UTP18: variants seen among roughly 807,000 people sequenced by gnomAD.
UTP18 encodes the protein UTP18 small subunit processome component, also known as U3 small nucleolar RNA-associated protein 18 homolog.
UTP18 carries 36 observed loss-of-function variants against 61.1 expected under a neutral mutation model. That is an observed-to-expected ratio of 0.59 (90% CI 0.45 to 0.78). The LOEUF (loss-of-function observed/expected upper bound fraction) is 0.78. Among genes scored for constraint, UTP18 ranks in the 30% least tolerant of loss-of-function variants. The pLI is 0.00. For synonymous variants in UTP18, 282 were observed against 251.1 expected (o/e 1.12, Z -1.16); for missense variants, 753 against 693.9 (o/e 1.09, Z -0.96).
chr17:51,297,084 C>T lies in UTP18; in HGVS notation c.*14+81C>T, dbSNP rs993840549. 5 of 1,245,696 alleles carry T rather than the reference C, an allele frequency of 4.0e-6. No homozygotes were observed. The African/African-American group carries it at 4.6e-5, about 12-fold the overall frequency. 77.2% of individuals were successfully genotyped at this position (1,245,696 alleles called of 1,614,324 possible). A position where few individuals can be genotyped will look rare whatever the true frequency, so the allele number is the denominator to read the frequency against. On this transcript the variant is annotated intron_variant, in intron 13 of 13. Coordinates refer to ENST00000225298, the MANE Select transcript of UTP18 (RefSeq NM_016001.3). Reference sequence around the variant, plus strand: ...TCAGTTGGTGGAAGCAGCACATTAGCTGAGCTTTGTTTCTCTACCCCTAAG... The same window carrying T: ...TCAGTTGGTGGAAGCAGCACATTAGTTGAGCTTTGTTTCTCTACCCCTAAG...
intron 11 of UTP18, among the ~76,000 whole-genome samples, chr17:51,291,963 GTTT>G (rs543831187): frequency 8.6e-5 from 13 of 151,988 alleles, no homozygotes; most frequent in Admixed American, 7.9e-4. Flanking sequence ...TGTAGCAAAT[GTTT>G]TTTTCCTGAT....
Position 51,294,124 on chromosome 17 carries a change from A to G in UTP18, c.1646+79A>G, listed in dbSNP as rs1279127001. On this transcript the variant is annotated intron_variant, in intron 12 of 13. Coordinates refer to ENST00000225298, the MANE Select transcript of UTP18 (RefSeq NM_016001.3). ...GTATGAAGAGATACTATATATTCCTAATTCTACAGTTAATAAATTCTAGTC... is the reference window on the plus strand; with the variant it reads ...GTATGAAGAGATACTATATATTCCTGATTCTACAGTTAATAAATTCTAGTC... 9.2e-6 allele frequency: 11 copies of G among 1,190,412 alleles called. No individual in the cohort carries two copies. In the Admixed American group the frequency reaches 1.8e-4, roughly 20 times the overall value. 73.7% of individuals were successfully genotyped at this position (1,190,412 alleles called of 1,614,324 possible). A position where few individuals can be genotyped will look rare whatever the true frequency, so the allele number is the denominator to read the frequency against.
At chr17:51,284,616 C>G (rs7210107) in intron 9 of UTP18, among the ~76,000 whole-genome samples, 81,363 of 151,950 alleles carry the variant, frequency 0.54, 21,918 homozygotes, top group Middle Eastern at 0.65. Context: ...CAGATTTTTG[C>G]TTCAATAATT....
intron 9 of UTP18, among the ~76,000 whole-genome samples, chr17:51,280,686 G>A (rs1167050930): frequency 6.6e-6 from 1 of 151,958 alleles, no homozygotes; most frequent in Non-Finnish European, 1.5e-5. Context: ...GGTGGCATGG[G>A]CCTGTAGTCC....
In UTP18 at chr17:51,288,143, C is replaced by T; in HGVS notation, c.1443C>T (p.Phe481=). Residue 481 remains phenylalanine (F), a synonymous_variant, in exon 11 of 14, where the codon TTC becomes TTT. Transcript: ENST00000225298. ...NLVTGVTSLT[F]NPTTEILAIA... ...TTACAGGTGTTACTTCTCTGACCTT[C>T]AATCCTACTACAGAAATCTTGGCAA... is the stretch of plus-strand genomic sequence containing the variant. The T allele has an allele frequency of 6.2e-7, 1 of 1,608,702 alleles. No individual in the cohort carries two copies. The highest frequency in any genetic ancestry group is 2.2e-5 in the East Asian group (1 of 44,702).
At chr17:51,282,867 C>CTTCTT (rs753924069) in intron 9 of UTP18, among the ~76,000 whole-genome samples, 92 of 120,714 alleles carry the variant, frequency 7.6e-4, no homozygotes, top group Middle Eastern at 4.3e-3. Context: ...TCTTCTTCTT[C>CTTCTT]TTTTTTTTTT....
chr17:51,280,223 G>T (rs2144421354), intron 8 of UTP18, 118 bp downstream of exon 8: 1 of 1,305,166 alleles, frequency 7.7e-7, no homozygotes. Context: ...AGCACAGGTG[G>T]GACTTGGAGA....
At chr17:51,284,010 AGTCT>A (rs1905033003) in intron 9 of UTP18, among the ~76,000 whole-genome samples, 1 of 152,226 alleles carries the variant, frequency 6.6e-6, no homozygotes, top group Admixed American at 6.5e-5. Context: ...TTCCCATTTT[AGTCT>A]ACTGAGAGAC....
intron 2 of UTP18, among the ~76,000 whole-genome samples, chr17:51,265,788 T>C (rs550438179): frequency 4.0e-5 from 6 of 150,116 alleles, no homozygotes; most frequent in Non-Finnish European, 7.4e-5. Flanking sequence ...GGTCTGGATC[T>C]CTTGACCTCG....
rs752729183 is a variant in UTP18 at position 51,260,579 on chromosome 17, C to G, written c.-6C>G. The G allele has an allele frequency of 3.7e-6, 6 of 1,611,424 alleles. No homozygotes were observed. Among genetic ancestry groups the G allele is most frequent in the Middle Eastern group, 1.7e-4 (1 of 5,982 alleles). On this transcript the variant is annotated 5_prime_UTR_variant, in exon 1 of 14. Transcript: ENST00000225298. ...TGAGCGCCTGCGTTTCTCCTCAAAC[C>G]TAACGATGCCGCCGGAGCGGAGGAG... is the stretch of plus-strand genomic sequence containing the variant.
chr17:51,286,722 C>T (rs1905127100), intron 10 of UTP18, among the ~76,000 whole-genome samples: 2 of 152,186 alleles, frequency 1.3e-5, no homozygotes, highest in African/African-American at 4.8e-5. Context: ...CAAGCATTTA[C>T]CAGGGTAGTG....
Position 51,275,847 on chromosome 17 carries a change from C to A in UTP18, c.712-19C>A. ...TTATTCATTTCAATTGATAAAATCC[C>A]AGCTTTCATTTCCTATAGATGAAGA... is the stretch of plus-strand genomic sequence containing the variant. On this transcript the variant is annotated intron_variant, in intron 5 of 13. Transcript: ENST00000225298. The A allele has an allele frequency of 6.3e-7, 1 of 1,577,602 alleles. No individual in the cohort carries two copies. Among genetic ancestry groups the A allele is most frequent in the Non-Finnish European group, 8.6e-7 (1 of 1,167,204 alleles).
chr17:51,295,875 T>C (rs1257641935), intron 12 of UTP18, among the ~76,000 whole-genome samples: 2 of 152,226 alleles, frequency 1.3e-5, no homozygotes, highest in Non-Finnish European at 2.9e-5. Context: ...GAAAGCACTA[T>C]TTTGAGAATG....
At chr17:51,269,081 G>GT (rs1568265542) in intron 4 of UTP18, among the ~76,000 whole-genome samples, 177 bp downstream of exon 4, 1 of 152,034 alleles carries the variant, frequency 6.6e-6, no homozygotes, top group Non-Finnish European at 1.5e-5. Flanking sequence ...GAGTCCAGGA[G>GT]TTTAAGACCA....
At chr17:51,286,454 T>C (rs1483762384) in intron 10 of UTP18, 1 of 456,102 alleles carries the variant, frequency 2.2e-6, no homozygotes, top group Admixed American at 2.3e-5. Context: ...TAGCATACTC[T>C]CTACTCTTTG....
intron 7 of UTP18, 136 bp from the exon 8 acceptor site, chr17:51,279,869 C>CG: frequency 1.4e-6 from 1 of 691,632 alleles, no homozygotes; most frequent in Non-Finnish European, 2.4e-6. Flanking sequence ...TAGACTTATT[C>CG]GGGGTCTGAG....
rs554534602 is a variant in UTP18, at chr17:51,275,023, C to T, written c.712-843C>T. On this transcript the variant is annotated intron_variant, in intron 5 of 13. Transcript: ENST00000225298. Reference sequence around the variant, plus strand: ...GACCAGCGTGACCAACATGGGGAAACCTCATCTCTACTGAAAATACAAAAT... The same window carrying T: ...GACCAGCGTGACCAACATGGGGAAATCTCATCTCTACTGAAAATACAAAAT... 3.9e-4 allele frequency among the ~76,000 whole-genome samples: 59 copies of T among 151,630 alleles called. No individual in the cohort carries two copies. In the South Asian group the frequency reaches 0.012, roughly 32 times the overall value.
At chr17:51,266,875 T>C (rs2055566890) in intron 3 of UTP18, among the ~76,000 whole-genome samples, 1 of 152,236 alleles carries the variant, frequency 6.6e-6, no homozygotes, top group Non-Finnish European at 1.5e-5. Flanking sequence ...ATATATTTTT[T>C]TGAGGTAGGA....
At chr17:51,264,943 A>G (rs2055545029) in intron 2 of UTP18, among the ~76,000 whole-genome samples, 1 of 152,056 alleles carries the variant, frequency 6.6e-6, no homozygotes, top group Non-Finnish European at 1.5e-5. Context: ...TCGGCCTCCT[A>G]AAGTGCTGGG....
Sources: gnomAD v4.1 joint callset for allele counts (sites outside exome capture counted in the v4.1 genomes callset) on GRCh38, gnomAD v4.1.1 for gene constraint, MANE v1.5 for transcripts, NCBI Gene and HGNC (gene_info 2026-07-23, HGNC 2026-07-21) for gene names.